Variants in GPC5 observed in about 807,000 individuals in gnomAD.
GPC5 encodes glypican 5.
Under a neutral mutation model 53.9 loss-of-function variants are expected in GPC5, and 47 were observed. The ratio of observed to expected loss-of-function variants is 0.87; its 90% confidence interval spans 0.69 to 1.11. The LOEUF is 1.11. Ranked by LOEUF, GPC5 falls within the 50% of genes most tolerant of loss-of-function variation. The pLI, the probability that GPC5 is intolerant of heterozygous loss-of-function variation, is 0.00. For missense variants in GPC5, 748 were observed against 713.1 expected, an observed-to-expected ratio of 1.05 and a Z score of -0.56; for synonymous variants, 286 against 263.3, an observed-to-expected ratio of 1.09 and a Z score of -0.84.
chr13:92,117,342 T>G (rs933599785), intron 6 of GPC5, among the ~76,000 whole-genome samples: 4 of 152,198 alleles, frequency 2.6e-5, no homozygotes, highest in Admixed American at 2.0e-4. Context: ...TCCATTCTGT[T>G]TCTTTTATCT....
At chr13:91,528,483 G>A (rs545906849) in intron 2 of GPC5, among the ~76,000 whole-genome samples, 26 of 152,224 alleles carry the variant, frequency 1.7e-4, no homozygotes, top group African/African-American at 5.5e-4. Context: ...TGTCCATGTC[G>A]TTATCAGCAT....
intron 7 of GPC5, among the ~76,000 whole-genome samples, chr13:92,263,433 C>T (rs574536434): frequency 1.3e-5 from 2 of 152,268 alleles, no homozygotes; most frequent in South Asian, 4.1e-4. Context: ...TCTTTTTCCT[C>T]TCCAATACAG....
intron 7 of GPC5, among the ~76,000 whole-genome samples, chr13:92,720,787 G>C (rs990006231): frequency 6.6e-6 from 1 of 152,066 alleles, no homozygotes; most frequent in Non-Finnish European, 1.5e-5. Context: ...ACAGAAGATG[G>C]CAAACTTGTG....
chr13:92,535,068 C>G (rs889483681), intron 7 of GPC5, among the ~76,000 whole-genome samples: 1 of 152,062 alleles, frequency 6.6e-6, no homozygotes, highest in Non-Finnish European at 1.5e-5. Context: ...AACGGGAACC[C>G]ATTTAAATTA....
intron 2 of GPC5, among the ~76,000 whole-genome samples, chr13:91,623,240 T>C (rs2033909794): frequency 6.6e-6 from 1 of 152,160 alleles, no homozygotes; most frequent in African/African-American, 2.4e-5. Flanking sequence ...AAATGTACTA[T>C]ACTTTTTAAG....
chr13:91,480,993 C>T (rs868144352), intron 2 of GPC5, among the ~76,000 whole-genome samples: 1 of 151,516 alleles, frequency 6.6e-6, no homozygotes, highest in Middle Eastern at 3.4e-3. Context: ...ATAAATAGAA[C>T]CCCAAGTTTC....
At chr13:91,931,621 T>G (rs1195718162) in intron 6 of GPC5, among the ~76,000 whole-genome samples, 1 of 152,042 alleles carries the variant, frequency 6.6e-6, no homozygotes, top group Admixed American at 6.6e-5. Flanking sequence ...CAAAGTTTGT[T>G]GGCTGCTCAC....
chr13:92,146,757 A>C (rs545210405), intron 7 of GPC5, among the ~76,000 whole-genome samples: 1 of 152,136 alleles, frequency 6.6e-6, no homozygotes. Flanking sequence ...GAGAAAATAC[A>C]ATGTTTGGTT....
intron 7 of GPC5, among the ~76,000 whole-genome samples, chr13:92,587,544 A>T (rs1260831293): frequency 1.4e-5 from 2 of 142,214 alleles, no homozygotes; most frequent in Non-Finnish European, 3.2e-5. Context: ...AAAAGGGAAA[A>T]ATCTTATTGT....
chr13:92,678,389 G>T (rs1887013913), intron 7 of GPC5, among the ~76,000 whole-genome samples: 1 of 152,152 alleles, frequency 6.6e-6, no homozygotes, highest in African/African-American at 2.4e-5. Flanking sequence ...TGGGACTGAA[G>T]ATTCTGTTTT....
chr13:92,256,980 C>T (rs1454860241), intron 7 of GPC5, among the ~76,000 whole-genome samples: 1 of 152,046 alleles, frequency 6.6e-6, no homozygotes, highest in African/African-American at 2.4e-5. Flanking sequence ...TTCCCAGCCA[C>T]TGGCATCCAC....
At chr13:92,547,475 G>A (rs1167515553) in intron 7 of GPC5, among the ~76,000 whole-genome samples, 3 of 152,118 alleles carry the variant, frequency 2.0e-5, no homozygotes, top group South Asian at 2.1e-4. Context: ...ACGGAAGGAA[G>A]TCTCCTTCAG....
At chr13:92,627,214 G>A (rs1885073848) in intron 7 of GPC5, among the ~76,000 whole-genome samples, 1 of 152,202 alleles carries the variant, frequency 6.6e-6, no homozygotes, top group Non-Finnish European at 1.5e-5. Context: ...CCTTCTAACA[G>A]ATTGGTTCCA....
intron 7 of GPC5, among the ~76,000 whole-genome samples, chr13:92,191,041 A>G (rs1356278344): frequency 2.0e-5 from 3 of 152,166 alleles, no homozygotes; most frequent in Non-Finnish European, 4.4e-5. Flanking sequence ...TACCATGAAC[A>G]TAATCAAGAG....
intron 7 of GPC5, among the ~76,000 whole-genome samples, chr13:92,592,019 A>G (rs1883728950): frequency 6.6e-6 from 1 of 152,202 alleles, no homozygotes; most frequent in African/African-American, 2.4e-5. Context: ...CTGCTGATAT[A>G]TCTATGTCAA....
chr13:91,854,023 G>T (rs1413694867), intron 5 of GPC5, among the ~76,000 whole-genome samples: 1 of 151,484 alleles, frequency 6.6e-6, no homozygotes, highest in African/African-American at 2.4e-5. Context: ...AATCTCTGCT[G>T]TTAGAAGGTT....
intron 7 of GPC5, among the ~76,000 whole-genome samples, chr13:92,523,242 T>C (rs1400332255): frequency 6.6e-6 from 1 of 152,138 alleles, no homozygotes; most frequent in Non-Finnish European, 1.5e-5. Flanking sequence ...AACTCAAAGA[T>C]AAGTAACACC....
chr13:92,414,044 G>T (rs943533664), intron 7 of GPC5, among the ~76,000 whole-genome samples: 1 of 152,036 alleles, frequency 6.6e-6, no homozygotes, highest in African/African-American at 2.4e-5. Flanking sequence ...GAATTGGAGG[G>T]TTACTCATTC....
Position 92,230,628 on chromosome 13 carries a change from T to C in GPC5, c.1561+85639T>C, listed in dbSNP as rs1325964922. Among the ~76,000 whole-genome samples the C allele has an allele frequency of 1.3e-5, 2 of 152,148 alleles. 1 individual carries two copies. The highest frequency in any genetic ancestry group is 3.9e-4 in the East Asian group (2 of 5,192). ...CTGCGTTTATTAATAATCCACTAAG[T>C]CAATTAACTTTCCATAACTGTAGCA... is the stretch of plus-strand genomic sequence containing the variant. On this transcript the variant is annotated intron_variant, in intron 7 of 7. Transcript: ENST00000377067.
Sources: allele counts gnomAD v4.1 joint callset (sites outside exome capture counted in the v4.1 genomes callset), GRCh38; gene constraint gnomAD v4.1.1; transcripts MANE v1.5; gene names NCBI Gene and HGNC (gene_info 2026-07-23, HGNC 2026-07-21).